Variants in GET1 observed in about 807,000 individuals in gnomAD.
The protein encoded by GET1 is guided entry of tail-anchored proteins factor 1.
In GET1, 20 loss-of-function variants were observed where a neutral mutation model predicts 22.6. The ratio of observed to expected loss-of-function variants is 0.89; its 90% CI spans 0.62 to 1.29. GET1 has a LOEUF of 1.29. GET1 is among the 50% of genes most tolerant of loss of function. GET1 has a pLI of 0.00. For synonymous variants in GET1, 92 were observed against 83.8 expected, an observed-to-expected ratio of 1.10 and a Z score of -0.53; for missense variants, 209 against 219.9, an observed-to-expected ratio of 0.95 and a Z score of 0.31.
At chr21:39,398,455 C>G (rs891676954), downstream of GET1, among the ~76,000 whole-genome samples, 2 of 152,268 alleles carry the variant, frequency 1.3e-5, no homozygotes, top group Admixed American at 6.5e-5. Flanking sequence ...TCAGTTGTTA[C>G]AAGAATTTTG....
chr21:39,407,647 G>T (rs898698430), downstream of GET1: 1 of 152,178 alleles, frequency 6.6e-6, no homozygotes, highest in Admixed American at 6.6e-5. Context: ...GAACTGATGG[G>T]GAAGGATGTT....
intron 1 of GET1, chr21:39,387,695 C>A (rs1209094851): frequency 1.4e-6 from 1 of 732,180 alleles, no homozygotes; most frequent in Non-Finnish European, 1.7e-6. Flanking sequence ...CCACACTCCC[C>A]CCCCCCACTT....
At chr21:39,403,469 G>C (rs945423273) in intron 4 of GET1, among the ~76,000 whole-genome samples, 1 of 151,922 alleles carries the variant, frequency 6.6e-6, no homozygotes, top group Non-Finnish European at 1.5e-5. Context: ...TGGGACTAAA[G>C]GCGCCGCCAC....
chr21:39,380,401 C>G lies in GET1; in HGVS notation c.17C>G (p.Ala6Gly), dbSNP rs757157870. 1.9e-6 allele frequency: 3 copies of G among 1,609,586 alleles called. No homozygotes were observed. Among genetic ancestry groups the G allele is most frequent in the African/African-American group, 2.7e-5 (2 of 74,980 alleles). The change falls in exon 1 of 5, where the codon GCC (alanine) becomes GGC (glycine). Residue 6 changes from alanine to glycine, a missense_variant. Transcript: ENST00000649170. Reference protein sequence around the residue: MSSAAADHWAWLLVLS... With the variant: MSSAAGDHWAWLLVLS... ...GCGTCCGGGATGAGCTCAGCCGCGG[C>G]CGACCACTGGGCGTGGTTGCTGGTG...
chr21:39,418,316 A>G (rs2041665859), intron 1 of GET1, among the ~76,000 whole-genome samples: 2 of 152,294 alleles, frequency 1.3e-5, no homozygotes, highest in South Asian at 4.1e-4. Context: ...ATTATTCCAT[A>G]GTAGTACATC....
chr21:39,415,920 GT>G (rs773988756), intron 1 of GET1, among the ~76,000 whole-genome samples: 6 of 152,082 alleles, frequency 3.9e-5, no homozygotes, highest in Non-Finnish European at 8.8e-5. Flanking sequence ...CTGTAACTAG[GT>G]TTAGGTTCGG....
At chr21:39,406,139 C>A in exon 5 of GET1, 2 of 1,614,250 alleles carry the variant, frequency 1.2e-6, no homozygotes, top group South Asian at 2.2e-5. Flanking sequence ...GTATCCTTCA[C>A]TTTTATTCTG....
At chr21:39,417,612 A>G (rs1167552493) in intron 1 of GET1, among the ~76,000 whole-genome samples, 1 of 152,142 alleles carries the variant, frequency 6.6e-6, no homozygotes, top group East Asian at 1.9e-4. Flanking sequence ...TTTATAAGGG[A>G]CAGAGGTTTA....
intron 1 of GET1, among the ~76,000 whole-genome samples, chr21:39,426,921 G>T (rs2837024): frequency 0.23 from 35,013 of 152,116 alleles, 4,527 homozygotes; most frequent in African/African-American, 0.35. Flanking sequence ...GTACAGGGCC[G>T]TCTAGAAAAG....
chr21:39,398,444 T>C (rs1399484801), downstream of GET1, among the ~76,000 whole-genome samples: 1 of 152,156 alleles, frequency 6.6e-6, no homozygotes, highest in Non-Finnish European at 1.5e-5. Context: ...GATATTCTCA[T>C]TCAGTTGTTA....
At chr21:39,422,947 T>TA in intron 1 of GET1, 2 of 1,599,598 alleles carry the variant, frequency 1.3e-6, no homozygotes, top group African/African-American at 1.4e-5. Context: ...TTTGGAATCT[T>TA]AAACTGTCTG....
At chr21:39,385,182 G>A (rs1601600088) in intron 1 of GET1, among the ~76,000 whole-genome samples, 1 of 152,118 alleles carries the variant, frequency 6.6e-6, no homozygotes, top group Non-Finnish European at 1.5e-5. Context: ...ATGGGGCCGC[G>A]CTCAGGTACT....
At chr21:39,407,344 A>G (rs950423472), downstream of GET1, among the ~76,000 whole-genome samples, 1 of 152,172 alleles carries the variant, frequency 6.6e-6, no homozygotes, top group Non-Finnish European at 1.5e-5. Flanking sequence ...AAGATGGGGA[A>G]ATTGGAATGT....
chr21:39,395,923 T>C (rs955521621), intron 4 of GET1, among the ~76,000 whole-genome samples: 4 of 152,214 alleles, frequency 2.6e-5, no homozygotes, highest in Admixed American at 6.5e-5. Flanking sequence ...CATTGCTTTG[T>C]TTATAATGCT....
At chr21:39,392,995 AT>A in intron 3 of GET1, 170 bp from the exon 4 acceptor site, 2 of 573,146 alleles carry the variant, frequency 3.5e-6, no homozygotes, top group Non-Finnish European at 6.2e-6. Context: ...ACCAAGGGAC[AT>A]TAGTGGCTGT....
chr21:39,428,149 G>C, intron 1 of GET1: 1 of 1,433,222 alleles, frequency 7.0e-7, no homozygotes, highest in South Asian at 1.3e-5. Flanking sequence ...ATTTGGTCTT[G>C]CTTGGGAAAT....
chr21:39,423,174 T>G (rs781409076), intron 1 of GET1: 1 of 1,613,166 alleles, frequency 6.2e-7, no homozygotes, highest in African/African-American at 1.3e-5. Context: ...ATTTCCTAAG[T>G]AGTTGCCTTA....
At chr21:39,415,716 A>C (rs1272039183) in intron 1 of GET1, among the ~76,000 whole-genome samples, 1 of 152,218 alleles carries the variant, frequency 6.6e-6, no homozygotes, top group Non-Finnish European at 1.5e-5. Flanking sequence ...ACTGCGACTG[A>C]TTAATATATC....
intron 4 of GET1, among the ~76,000 whole-genome samples, chr21:39,403,205 C>T (rs1254993534): frequency 1.3e-5 from 2 of 152,228 alleles, no homozygotes; most frequent in Non-Finnish European, 2.9e-5. Context: ...TGTGAGAGCT[C>T]TCCCTCCCTG....
Sources: allele counts gnomAD v4.1 joint callset (sites outside exome capture counted in the v4.1 genomes callset), GRCh38; gene constraint gnomAD v4.1.1; transcripts MANE v1.5; gene names NCBI Gene and HGNC (gene_info 2026-07-23, HGNC 2026-07-21).